RASGRP1: variants seen among roughly 807,000 people sequenced by gnomAD.
The protein encoded by RASGRP1 is RAS guanyl-releasing protein 1.
Under a neutral mutation model 95.1 loss-of-function variants are expected in RASGRP1, and 37 were observed. That is an observed-to-expected ratio of 0.39 (90% CI 0.30 to 0.51). The LOEUF is 0.51. Ranked by LOEUF, RASGRP1 falls within the 20% of genes least tolerant of loss-of-function variation. RASGRP1 has a pLI of 0.80. For synonymous variants in RASGRP1, 325 were observed against 353.4 expected (o/e 0.92, Z 0.90); for missense variants, 711 against 965.4 (o/e 0.74, Z 3.49).
At chr15:38,503,050 T>C in intron 11 of RASGRP1, 1 of 568,226 alleles carries the variant, frequency 1.8e-6, no homozygotes, top group South Asian at 2.4e-5. Flanking sequence ...TATGCTCTTT[T>C]GCTAGGTCTT....
chr15:38,561,838 T>A (rs1566941407), intron 1 of RASGRP1, among the ~76,000 whole-genome samples: 1 of 152,230 alleles, frequency 6.6e-6, no homozygotes, highest in Non-Finnish European at 1.5e-5. Flanking sequence ...CATAATTGAT[T>A]TTCAAACAGG....
At chr15:38,560,175 G>A in intron 1 of RASGRP1, 170 bp from the exon 2 acceptor site, 1 of 646,406 alleles carries the variant, frequency 1.5e-6, no homozygotes, top group Non-Finnish European at 2.7e-6. Flanking sequence ...GGCTGTTAAA[G>A]AGACATCTCC....
chr15:38,550,158 G>A lies in RASGRP1; in HGVS notation c.220+9663C>T, dbSNP rs558014279. ...CCAGCTACTCGGGTGGCTGAGGCAC[G>A]AGAATCACTTGAACCCAGGAGGTGG... On this transcript the variant is annotated intron_variant, in intron 2 of 16. Transcript: ENST00000310803. Among the ~76,000 whole-genome samples the A allele has an allele frequency of 2.6e-4, 38 of 147,060 alleles. 1 individual carries two copies. The South Asian group carries it at 5.8e-3, about 22-fold the overall frequency.
rs79820336 is a variant in RASGRP1, at chr15:38,543,255, T to C, written c.220+16566A>G. Among the ~76,000 whole-genome samples the C allele has an allele frequency of 5.9e-3, 899 of 152,248 alleles. 7 individuals carry two copies. The highest frequency in any genetic ancestry group is 0.021 in the African/African-American group (855 of 41,534). On this transcript the variant is annotated intron_variant, in intron 2 of 16. Transcript: ENST00000310803. ...ACAGGTCACAGTTCATTTTTTTTCA[T>C]GACTGTCATTTGTTCCATCACCATT...
At chr15:38,491,666 G>A (rs1011711785) in intron 16 of RASGRP1, among the ~76,000 whole-genome samples, 2 of 152,112 alleles carry the variant, frequency 1.3e-5, no homozygotes, top group African/African-American at 4.8e-5. Context: ...ATTATGGATA[G>A]GACTGTTGAA....
At chr15:38,490,818 T>C in intron 16 of RASGRP1, 130 bp from the exon 17 acceptor site, 1 of 1,002,662 alleles carries the variant, frequency 1.0e-6, no homozygotes, top group Non-Finnish European at 1.4e-6. Context: ...ATTTTCAAGA[T>C]AGTTATTTTG....
intron 5 of RASGRP1, among the ~76,000 whole-genome samples, chr15:38,517,361 A>C (rs1388466392): frequency 6.6e-6 from 1 of 152,230 alleles, no homozygotes; most frequent in East Asian, 1.9e-4. Flanking sequence ...CATCTTTAAA[A>C]TGAAGAAACT....
intron 2 of RASGRP1, among the ~76,000 whole-genome samples, chr15:38,527,514 A>C (rs1231105350): frequency 1.3e-5 from 2 of 152,106 alleles, no homozygotes; most frequent in Non-Finnish European, 2.9e-5. Context: ...TACATCTCTT[A>C]ATTCCACTCT....
intron 2 of RASGRP1, among the ~76,000 whole-genome samples, chr15:38,540,323 C>A (rs1002312392): frequency 6.6e-6 from 1 of 152,194 alleles, no homozygotes; most frequent in East Asian, 1.9e-4. Flanking sequence ...CTCTGCTGTA[C>A]ACACTACACT....
intron 6 of RASGRP1, 56 bp downstream of exon 6, chr15:38,516,141 T>C: frequency 6.6e-7 from 1 of 1,514,410 alleles, no homozygotes; most frequent in Non-Finnish European, 9.1e-7. Flanking sequence ...TGAATTATCA[T>C]CTTATTTTCA....
At chr15:38,560,303 C>A in intron 1 of RASGRP1, 1 of 420,530 alleles carries the variant, frequency 2.4e-6, no homozygotes, top group Non-Finnish European at 4.4e-6. Flanking sequence ...ACTATCTTGG[C>A]AGTCCTTAGC....
intron 1 of RASGRP1, 144 bp downstream of exon 1, chr15:38,564,450 C>G (rs1305139872): frequency 2.8e-6 from 2 of 722,942 alleles, no homozygotes; most frequent in East Asian, 4.0e-5. Context: ...CACGTCCGCC[C>G]GTCGCGCTGG....
intron 2 of RASGRP1, among the ~76,000 whole-genome samples, chr15:38,527,815 T>C (rs1892284000): frequency 6.6e-6 from 1 of 152,002 alleles, no homozygotes; most frequent in Admixed American, 6.6e-5. Flanking sequence ...TATAAGTGGC[T>C]GGGCACAGTG....
intron 1 of RASGRP1, among the ~76,000 whole-genome samples, chr15:38,563,391 A>C (rs1169958561): frequency 1.3e-5 from 2 of 152,148 alleles, no homozygotes; most frequent in African/African-American, 4.8e-5. Flanking sequence ...AAAGTAACCA[A>C]AGCCCCATAG....
intron 2 of RASGRP1, among the ~76,000 whole-genome samples, chr15:38,555,883 C>A (rs1296712459): frequency 6.6e-6 from 1 of 151,954 alleles, no homozygotes; most frequent in African/African-American, 2.4e-5. Flanking sequence ...GTTGGGGGGG[C>A]CCGTTCTGAG....
intron 5 of RASGRP1, 110 bp from the exon 6 acceptor site, chr15:38,516,460 ACTTTC>A: frequency 7.4e-7 from 1 of 1,349,100 alleles, no homozygotes; most frequent in Non-Finnish European, 1.0e-6. Context: ...CCATTAGCTA[ACTTTC>A]CTTGTGAATG....
At chr15:38,559,174 T>A (rs960542803) in intron 2 of RASGRP1, among the ~76,000 whole-genome samples, 16 of 152,344 alleles carry the variant, frequency 1.1e-4, no homozygotes, top group Admixed American at 3.9e-4. Flanking sequence ...TATAACATTT[T>A]AAAAAATCTT....
chr15:38,563,972 T>G (rs1893916980), intron 1 of RASGRP1, among the ~76,000 whole-genome samples: 2 of 152,218 alleles, frequency 1.3e-5, no homozygotes, highest in Non-Finnish European at 2.9e-5. Context: ...CCAAGAGCCC[T>G]TTCACTCACT....
rs1355137625 is a variant in RASGRP1, at chr15:38,564,645, C to T, written c.-17G>A. ...GGTGCCCATGGCCGCGGCCCGCGCT[C>T]CCGGTGCCGGCTCACCTAGCGCGGC... On this transcript the variant is annotated 5_prime_UTR_variant, in exon 1 of 17. Transcript: ENST00000310803. The T allele has an allele frequency of 1.5e-6, 2 of 1,321,844 alleles. No homozygotes were observed. Among genetic ancestry groups the T allele is most frequent in the East Asian group, 3.1e-5 (1 of 32,106 alleles). The allele number at this position is 1,321,844 out of a possible 1,614,324, so 81.9% of individuals were successfully genotyped here.
Sources: gnomAD v4.1 joint callset for allele counts (sites outside exome capture counted in the v4.1 genomes callset) on GRCh38, gnomAD v4.1.1 for gene constraint, MANE v1.5 for transcripts, NCBI Gene and HGNC (gene_info 2026-07-23, HGNC 2026-07-21) for gene names.